Variants in DNAI7 observed in about 807,000 individuals in gnomAD.
The protein encoded by DNAI7 is cancer susceptibility 1.
DNAI7 carries 78 observed loss-of-function variants against 86.6 expected under a neutral mutation model. That is an observed-to-expected ratio of 0.90 (90% confidence interval 0.75 to 1.09). DNAI7 has a LOEUF of 1.09. DNAI7 is among the 50% of genes least tolerant of loss of function. The pLI, the probability that DNAI7 is intolerant of heterozygous loss-of-function variation, is 0.00. For synonymous variants in DNAI7, 274 were observed against 273.0 expected (o/e 1.00, Z -0.04); for missense variants, 753 against 810.2 (o/e 0.93, Z 0.86).
intron 2 of DNAI7, among the ~76,000 whole-genome samples, chr12:25,162,725 C>A (rs1946971070): frequency 6.6e-6 from 1 of 152,200 alleles, no homozygotes; most frequent in African/African-American, 2.4e-5. Flanking sequence ...TTAGATTTCA[C>A]AGTTCATCGC....
intron 9 of DNAI7, among the ~76,000 whole-genome samples, chr12:25,131,736 C>T (rs1035716844): frequency 6.6e-6 from 1 of 152,150 alleles, no homozygotes; most frequent in Non-Finnish European, 1.5e-5. Context: ...TTTATGTAGG[C>T]TGCTCACAAC....
At chr12:25,139,338 G>C (rs1446947386) in intron 9 of DNAI7, among the ~76,000 whole-genome samples, 1 of 152,056 alleles carries the variant, frequency 6.6e-6, no homozygotes, top group African/African-American at 2.4e-5. Context: ...AGAGAAAGAG[G>C]GAATCCTTCC....
At position 25,149,780 on chromosome 12, in the gene DNAI7, A is replaced by C. The variant is rs747695597; in HGVS notation, c.439-6T>G. On this transcript the variant is annotated splice_region_variant and splice_polypyrimidine_tract_variant and intron_variant, in intron 6 of 15. Coordinates refer to ENST00000395987, the MANE Select transcript of DNAI7 (RefSeq NM_018272.5). ...AATTTCAATTTCTCAATTAACTGTA[A>C]AGTAAAAGAATATTTGCATTAATTC... 6 of 1,451,368 alleles carry C rather than the reference A, an allele frequency of 4.1e-6. No individual in the cohort carries two copies. The African/African-American group carries it at 8.5e-5, about 20-fold the overall frequency. 89.9% of individuals were successfully genotyped at this position (1,451,368 alleles called of 1,614,324 possible). A position where few individuals can be genotyped will look rare whatever the true frequency, so the allele number is the denominator to read the frequency against.
chr12:25,173,336 A>G (rs563106124), intron 2 of DNAI7, among the ~76,000 whole-genome samples: 2 of 152,284 alleles, frequency 1.3e-5, no homozygotes, highest in East Asian at 3.9e-4. Flanking sequence ...TGGCCAATAA[A>G]CATATGAAAA....
rs766442145 is a variant in DNAI7 at position 25,134,352 on chromosome 12, C to CATT, written c.1002+10012_1002+10013insAAT. On this transcript the variant is annotated intron_variant, in intron 9 of 15. Coordinates refer to ENST00000395987, the MANE Select transcript of DNAI7 (RefSeq NM_018272.5). ...CATTATAATGGTTTTCCTTGGCGTACTTTTTTTTTTTTTTTTTTTTTTGAG... is the reference window on the plus strand; with the variant it reads ...CATTATAATGGTTTTCCTTGGCGTACATTTTTTTTTTTTTTTTTTTTTTTTGAG... Among the ~76,000 whole-genome samples, 455 of 91,140 alleles carry CATT rather than the reference C, an allele frequency of 5.0e-3. 15 individuals carry two copies. The highest frequency in any genetic ancestry group is 0.018 in the African/African-American group (431 of 24,048). 59.8% of individuals were successfully genotyped at this position (91,140 alleles called of 152,430 possible).
intron 9 of DNAI7, among the ~76,000 whole-genome samples, chr12:25,136,541 T>C (rs1943574626): frequency 6.6e-6 from 1 of 152,108 alleles, no homozygotes; most frequent in Non-Finnish European, 1.5e-5. Context: ...TCATCAGCAG[T>C]AGATCCAAAC....
At chr12:25,121,142 G>A (rs993278389) in intron 11 of DNAI7, among the ~76,000 whole-genome samples, 3 of 152,196 alleles carry the variant, frequency 2.0e-5, no homozygotes, top group Non-Finnish European at 4.4e-5. Context: ...GATTCAGTAA[G>A]TTTGAGGTGG....
At chr12:25,114,980 T>C in intron 12 of DNAI7, 110 bp from the exon 13 acceptor site, 1 of 802,980 alleles carries the variant, frequency 1.2e-6, no homozygotes, top group Non-Finnish European at 2.0e-6. Context: ...CTTTCATATT[T>C]AGAATAGAAA....
intron 7 of DNAI7, among the ~76,000 whole-genome samples, chr12:25,148,543 T>C (rs752399444): frequency 8.5e-5 from 13 of 152,184 alleles, no homozygotes; most frequent in Non-Finnish European, 1.8e-4. Context: ...GAAACAGTTA[T>C]TACACTGGGG....
At chr12:25,114,093 G>A (rs911554031) in intron 13 of DNAI7, among the ~76,000 whole-genome samples, 7 of 151,884 alleles carry the variant, frequency 4.6e-5, no homozygotes, top group Non-Finnish European at 1.0e-4. Context: ...TTACAGGTGT[G>A]TGCCACCACG....
intron 9 of DNAI7, among the ~76,000 whole-genome samples, chr12:25,124,187 C>T (rs1256276356): frequency 6.6e-6 from 1 of 151,968 alleles, no homozygotes; most frequent in African/African-American, 2.4e-5. Flanking sequence ...CTAGTTATTC[C>T]CATGACTCTT....
At chr12:25,167,631 C>T (rs907878441) in intron 2 of DNAI7, among the ~76,000 whole-genome samples, 7 of 152,142 alleles carry the variant, frequency 4.6e-5, no homozygotes, top group African/African-American at 1.7e-4. Flanking sequence ...CCCCGCCTTA[C>T]ATGCAGACTA....
intron 6 of DNAI7, among the ~76,000 whole-genome samples, chr12:25,150,496 C>T (rs543553756): frequency 1.0e-4 from 15 of 146,502 alleles, no homozygotes; most frequent in South Asian, 2.1e-4. Context: ...CCCAGCAACT[C>T]GGGAGGCTGA....
chr12:25,130,179 G>C (rs1942713936), intron 9 of DNAI7, among the ~76,000 whole-genome samples: 1 of 152,140 alleles, frequency 6.6e-6, no homozygotes, highest in African/African-American at 2.4e-5. Context: ...AGAGCGTGTT[G>C]AATCCCTTAT....
chr12:25,155,451 T>G (rs1565751451), intron 4 of DNAI7, 39 bp from the exon 5 acceptor site: 1 of 1,126,558 alleles, frequency 8.9e-7, no homozygotes, highest in East Asian at 2.5e-5. Flanking sequence ...AGCTCTTTAA[T>G]TTTAACTTTA....
chr12:25,113,314 GTTT>G (rs942172352), intron 13 of DNAI7, among the ~76,000 whole-genome samples: 1 of 143,904 alleles, frequency 6.9e-6, no homozygotes, highest in Admixed American at 6.9e-5. Context: ...TGTTGTTGTT[GTTT>G]TTGAGATGGA....
chr12:25,178,855 T>C lies in DNAI7; in HGVS notation c.21+11759A>G, dbSNP rs534494261. On this transcript the variant is annotated intron_variant, in intron 2 of 15. Coordinates refer to ENST00000395987, the MANE Select transcript of DNAI7 (RefSeq NM_018272.5). ...CTGACCCACTCTATTCTGTGTTTTC[T>C]ATTAATGTCCATATTTGTTCTTATT... Among the ~76,000 whole-genome samples, 211 of 152,180 alleles carry C rather than the reference T, an allele frequency of 1.4e-3. 1 individual carries two copies. The highest frequency in any genetic ancestry group is 4.9e-3 in the African/African-American group (202 of 41,554).
At chr12:25,182,639 A>ACACACACAC (rs1555184991) in intron 2 of DNAI7, among the ~76,000 whole-genome samples, 19 of 36,928 alleles carry the variant, frequency 5.1e-4, no homozygotes, top group African/African-American at 1.1e-3. Context: ...CACACACACA[A>ACACACACAC]GCCAGATGTG....
chr12:25,126,511 GCAATCTA>G (rs1942156209), intron 9 of DNAI7, among the ~76,000 whole-genome samples: 1 of 152,126 alleles, frequency 6.6e-6, no homozygotes, highest in African/African-American at 2.4e-5. Flanking sequence ...GGAATTAAAA[GCAATCTA>G]ACTTGAGGAG....
Sources: gnomAD v4.1 joint callset for allele counts (sites outside exome capture counted in the v4.1 genomes callset) on GRCh38, gnomAD v4.1.1 for gene constraint, MANE v1.5 for transcripts, NCBI Gene and HGNC (gene_info 2026-07-23, HGNC 2026-07-21) for gene names.